BCKDHB: variants seen among roughly 807,000 people sequenced by gnomAD.
The protein encoded by BCKDHB is 2-oxoisovalerate dehydrogenase subunit beta, mitochondrial.
In BCKDHB, 41 loss-of-function variants were observed where a neutral mutation model predicts 48.5. The ratio of observed to expected loss-of-function variants is 0.85; its 90% CI spans 0.66 to 1.10. The LOEUF (loss-of-function observed/expected upper bound fraction) is 1.10. Ranked by LOEUF, BCKDHB falls within the 50% of genes least tolerant of loss-of-function variation. The pLI is 0.00. For missense variants in BCKDHB, 496 were observed against 494.2 expected (o/e 1.00, Z -0.03); for synonymous variants, 201 against 174.8 (o/e 1.15, Z -1.18).
chr6:80,253,774 T>A (rs1776933564), intron 8 of BCKDHB, among the ~76,000 whole-genome samples: 1 of 152,114 alleles, frequency 6.6e-6, no homozygotes, highest in South Asian at 2.1e-4. Flanking sequence ...TATAGTTTTT[T>A]AATGAATCTT....
At chr6:80,166,943 G>A (rs1472985727) in intron 3 of BCKDHB, among the ~76,000 whole-genome samples, 1 of 151,422 alleles carries the variant, frequency 6.6e-6, no homozygotes, top group African/African-American at 2.4e-5. Context: ...CCTTTTTTTT[G>A]GTATGCCTTT....
At chr6:80,152,952 C>T (rs988621880) in intron 3 of BCKDHB, among the ~76,000 whole-genome samples, 1 of 152,156 alleles carries the variant, frequency 6.6e-6, no homozygotes, top group African/African-American at 2.4e-5. Context: ...GAACTGTGAT[C>T]TCTTAGGATC....
intron 8 of BCKDHB, among the ~76,000 whole-genome samples, chr6:80,218,177 A>G (rs890512708): frequency 1.3e-5 from 2 of 151,956 alleles, no homozygotes; most frequent in East Asian, 1.9e-4. Flanking sequence ...TGCCAGGAAA[A>G]TGGACTTTTC....
intron 8 of BCKDHB, among the ~76,000 whole-genome samples, chr6:80,224,323 T>A (rs1199811347): frequency 1.3e-5 from 2 of 152,182 alleles, no homozygotes; most frequent in East Asian, 3.8e-4. Context: ...TGCATTTTAA[T>A]CAGGTTGGTT....
chr6:80,458,824 G>A, the BCKDHB span, among the ~76,000 whole-genome samples: 1 of 151,838 alleles, frequency 6.6e-6, no homozygotes, highest in Non-Finnish European at 1.5e-5. Context: ...AGTTCACTGT[G>A]AGAAAAAAAG....
At chr6:80,117,074 A>G (rs1246439103) in intron 1 of BCKDHB, among the ~76,000 whole-genome samples, 1 of 152,210 alleles carries the variant, frequency 6.6e-6, no homozygotes, top group Non-Finnish European at 1.5e-5. Flanking sequence ...CTGTAACTTT[A>G]AAAAAGAAAT....
chr6:80,174,581 A>G (rs534555964), intron 6 of BCKDHB, among the ~76,000 whole-genome samples: 1 of 152,162 alleles, frequency 6.6e-6, no homozygotes, highest in Non-Finnish European at 1.5e-5. Context: ...CTCCAGTTCA[A>G]ACTGTGTTGT....
At chr6:80,178,944 T>C (rs1440827068) in intron 6 of BCKDHB, among the ~76,000 whole-genome samples, 3 of 152,200 alleles carry the variant, frequency 2.0e-5, no homozygotes, top group Non-Finnish European at 4.4e-5. Context: ...AAATGAAATA[T>C]AACTTCCTCC....
At chr6:80,228,328 T>C (rs1348060618) in intron 8 of BCKDHB, among the ~76,000 whole-genome samples, 2 of 152,236 alleles carry the variant, frequency 1.3e-5, no homozygotes, top group Non-Finnish European at 2.9e-5. Context: ...GTTTGAACCT[T>C]GCTTTGCATT....
chr6:80,275,761 T>C (rs1777944313), intron 9 of BCKDHB, among the ~76,000 whole-genome samples: 1 of 151,896 alleles, frequency 6.6e-6, no homozygotes, highest in African/African-American at 2.4e-5. Flanking sequence ...TTCATGCAGA[T>C]ATTCAACTAT....
At chr6:80,254,112 T>G (rs1398501188) in intron 8 of BCKDHB, among the ~76,000 whole-genome samples, 1 of 151,898 alleles carries the variant, frequency 6.6e-6, no homozygotes, top group Admixed American at 6.6e-5. Context: ...ATCGAATCAC[T>G]GTTTCCCTTT....
chr6:80,378,599 A>G, the BCKDHB span, among the ~76,000 whole-genome samples: 2 of 152,210 alleles, frequency 1.3e-5, no homozygotes, highest in Middle Eastern at 3.4e-3. Flanking sequence ...CGATGAACAT[A>G]TGAGTGCAGG....
intron 8 of BCKDHB, among the ~76,000 whole-genome samples, chr6:80,266,629 A>G (rs1486642228): frequency 6.6e-6 from 1 of 152,052 alleles, no homozygotes; most frequent in Non-Finnish European, 1.5e-5. Flanking sequence ...CGAACTCGTT[A>G]TTCTAAAACA....
chr6:80,118,114 C>G (rs1034544188), intron 1 of BCKDHB, among the ~76,000 whole-genome samples: 3 of 152,042 alleles, frequency 2.0e-5, no homozygotes, highest in Non-Finnish European at 4.4e-5. Context: ...AAGCTGGGCA[C>G]CAATATATAC....
chr6:80,184,763 CCTAATCCCT>C (rs1773565511), intron 6 of BCKDHB, among the ~76,000 whole-genome samples: 1 of 152,118 alleles, frequency 6.6e-6, no homozygotes, highest in East Asian at 1.9e-4. Flanking sequence ...AAGATAGGAC[CCTAATCCCT>C]CTTGGCTTGT....
intron 8 of BCKDHB, among the ~76,000 whole-genome samples, chr6:80,230,533 A>G (rs1452924107): frequency 6.6e-6 from 1 of 152,186 alleles, no homozygotes; most frequent in Admixed American, 6.5e-5. Context: ...ATAAAGAGCC[A>G]GATAGTAAAT....
chr6:80,208,289 A>G (rs1344892958), intron 8 of BCKDHB, among the ~76,000 whole-genome samples: 1 of 151,854 alleles, frequency 6.6e-6, no homozygotes, highest in African/African-American at 2.4e-5. Flanking sequence ...AATGTTAATG[A>G]AGATAGAATA....
At chr6:80,278,747 C>T (rs1438457380) in intron 9 of BCKDHB, among the ~76,000 whole-genome samples, 5 of 152,100 alleles carry the variant, frequency 3.3e-5, no homozygotes, top group South Asian at 2.1e-4. Flanking sequence ...TTAGTAGGCA[C>T]GAGGTTTCAC....
At chr6:80,139,344 T>C (rs1180684897) in intron 3 of BCKDHB, among the ~76,000 whole-genome samples, 4 of 152,116 alleles carry the variant, frequency 2.6e-5, no homozygotes, top group Non-Finnish European at 5.9e-5. Flanking sequence ...TTTGTTGCCA[T>C]TGCTTTTGGT....
Sources: gnomAD v4.1 joint callset for allele counts (sites outside exome capture counted in the v4.1 genomes callset) on GRCh38, gnomAD v4.1.1 for gene constraint, MANE v1.5 for transcripts, NCBI Gene and HGNC (gene_info 2026-07-23, HGNC 2026-07-21) for gene names.